The following COL17A1 variants were observed in gnomAD, a reference collection of about 807,000 sequenced individuals.
COL17A1 encodes collagen alpha-1(XVII) chain.
Under a neutral mutation model 218.4 loss-of-function variants are expected in COL17A1, and 181 were observed. That is an observed-to-expected ratio of 0.83 (90% CI 0.73 to 0.94). The LOEUF is 0.94. Ranked by LOEUF, COL17A1 falls within the 40% of genes least tolerant of loss-of-function variation. The pLI, the probability that COL17A1 is intolerant of heterozygous loss-of-function variation, is 0.00. For synonymous variants in COL17A1, 721 were observed against 731.0 expected, an observed-to-expected ratio of 0.99 and a Z score of 0.22; for missense variants, 1,924 against 1,945.9, an observed-to-expected ratio of 0.99 and a Z score of 0.21.
intron 13 of COL17A1, 82 bp downstream of exon 13, chr10:104,061,323 G>T: frequency 7.3e-7 from 1 of 1,361,870 alleles, no homozygotes; most frequent in Non-Finnish European, 1.0e-6. Flanking sequence ...ATGTGTATTG[G>T]AAGGATACAC....
rs372698668 is a variant in COL17A1, at chr10:104,046,743, T to C, written c.2362+4A>G. On this transcript the variant is annotated splice_donor_region_variant and intron_variant, in intron 32 of 55. Coordinates refer to ENST00000648076, the MANE Select transcript of COL17A1 (RefSeq NM_000494.4). Reference sequence around the variant, plus strand: ...CAGCAGGTGGGAATGATCCAGCGACTCACCCTGAGGTCCCTGGGGTCCTGT... The same window carrying C: ...CAGCAGGTGGGAATGATCCAGCGACCCACCCTGAGGTCCCTGGGGTCCTGT... 49 of 1,613,914 alleles carry C rather than the reference T, an allele frequency of 3.0e-5. No homozygotes were observed. The African/African-American group carries it at 5.5e-4, about 18-fold the overall frequency.
At chr10:104,062,857 G>A (rs566445953) in intron 11 of COL17A1, among the ~76,000 whole-genome samples, 6 of 152,126 alleles carry the variant, frequency 3.9e-5, no homozygotes, top group Non-Finnish European at 8.8e-5. Context: ...TTGCTTGTTT[G>A]TTTGTTTTCA....
At chr10:104,051,386 T>C in intron 25 of COL17A1, 95 bp downstream of exon 25, 1 of 1,486,776 alleles carries the variant, frequency 6.7e-7, no homozygotes, top group South Asian at 1.2e-5. Context: ...TGCTTTATAA[T>C]TGCTTCTTTG....
In COL17A1 at chr10:104,033,370, C is replaced by A; in HGVS notation, c.4162G>T (p.Gly1388Cys). The change falls in exon 53 of 56, where the codon GGC (glycine) becomes TGC (cysteine). Residue 1388 changes from glycine (G) to cysteine (C), a missense_variant. By Grantham distance (159) the Gly-to-Cys change is radical. Coordinates refer to ENST00000648076, the MANE Select transcript of COL17A1 (RefSeq NM_000494.4). ...VRVSESMQRQ[G>C]LLQGMAYTVQ... Reference sequence around the variant, plus strand: ...GTGTAGGCCATCCCTTGCAGTAGGCCCTGACCTGTAAAACACCAGAGCTTG... The same window carrying A: ...GTGTAGGCCATCCCTTGCAGTAGGCACTGACCTGTAAAACACCAGAGCTTG... 6.2e-7 allele frequency: 1 copy of A among 1,610,564 alleles called. No homozygotes were observed. The highest frequency in any genetic ancestry group is 8.5e-7 in the Non-Finnish European group (1 of 1,178,724).
chr10:104,059,539 C>A, intron 15 of COL17A1, 99 bp downstream of exon 15: 1 of 1,083,046 alleles, frequency 9.2e-7, no homozygotes, highest in South Asian at 1.3e-5. Flanking sequence ...ATGCTGCTGG[C>A]CCGTGGACCA....
rs892543817 is a variant in COL17A1 at position 104,039,468 on chromosome 10, G to A, written c.2873C>T (p.Pro958Leu). The change falls in exon 43 of 56, where the codon CCC (proline) becomes CTC (leucine). Residue 958 changes from proline to leucine, a missense_variant. Transcript: ENST00000648076. ...ACCTTTGTCACCTTTGGGTCCCTGG[G>A]GGCCAGGTGGGCCTGGTGGTCCCTG... The part of the protein sequence containing the change: ...NLQGPPGPPG[P>L]QGPKGDKGDP... The A allele has an allele frequency of 6.2e-6, 10 of 1,613,996 alleles. No homozygotes were observed. The highest frequency in any genetic ancestry group is 8.5e-6 in the Non-Finnish European group (10 of 1,179,998).
intron 35 of COL17A1, 140 bp downstream of exon 35, chr10:104,043,361 G>T: frequency 2.5e-6 from 2 of 784,444 alleles, no homozygotes; most frequent in Non-Finnish European, 4.4e-6. Context: ...GCAAGAGTTT[G>T]CTTTTCTCAG....
intron 44 of COL17A1, 39 bp downstream of exon 44, chr10:104,039,029 CAGA>C (rs747098368): frequency 2.5e-5 from 39 of 1,588,276 alleles, no homozygotes; most frequent in Non-Finnish European, 3.4e-5. Flanking sequence ...CAGCCTTCAC[CAGA>C]AGAAGTGGAG....
At chr10:104,073,573 A>G (rs1199545616) in intron 6 of COL17A1, among the ~76,000 whole-genome samples, 1 of 152,246 alleles carries the variant, frequency 6.6e-6, no homozygotes, top group African/African-American at 2.4e-5. Flanking sequence ...CAAATGTATC[A>G]AAAAGCTCCC....
intron 20 of COL17A1, among the ~76,000 whole-genome samples, 158 bp downstream of exon 20, chr10:104,054,823 G>T (rs902426904): frequency 6.6e-6 from 1 of 152,128 alleles, no homozygotes; most frequent in East Asian, 1.9e-4. Flanking sequence ...TCCAGCCAAA[G>T]GTCCCTGGGA....
chr10:104,084,985 C>T (rs556450557), intron 1 of COL17A1, among the ~76,000 whole-genome samples: 3 of 152,318 alleles, frequency 2.0e-5, no homozygotes, highest in South Asian at 2.1e-4. Context: ...TACCAGTTAA[C>T]GTCATCCACT....
Position 104,039,642 on chromosome 10 carries a change from T to C in COL17A1, c.2789-2A>G. ...AGAAACCTGGGAGGCCTTGCTCGCC[T>C]GAGGAACACACCAAGGGAGGGACAG... On this transcript the variant is annotated splice_acceptor_variant, in intron 41 of 55. Transcript: ENST00000648076. LOFTEE classifies it high-confidence loss of function. 1 of 1,614,150 alleles carries C rather than the reference T, an allele frequency of 6.2e-7. No individual in the cohort carries two copies. The highest frequency in any genetic ancestry group is 1.1e-5 in the South Asian group (1 of 91,086).
intron 34 of COL17A1, 24 bp from the exon 35 acceptor site, chr10:104,043,605 C>T: frequency 6.2e-7 from 1 of 1,613,170 alleles, no homozygotes; most frequent in Non-Finnish European, 8.5e-7. Flanking sequence ...GCACATGGAA[C>T]ATTGAGCCCT....
At position 104,062,903 on chromosome 10, in the gene COL17A1, C is replaced by T. The variant is rs2086595457; in HGVS notation, c.839-574G>A. ...GAAGCTTATTCCTCCTGGCCAGCAG[C>T]TTTGTTATTTAGGGCACAATATCAA... On this transcript the variant is annotated intron_variant, in intron 11 of 55. Coordinates refer to ENST00000648076, the MANE Select transcript of COL17A1 (RefSeq NM_000494.4). Among the ~76,000 whole-genome samples the T allele has an allele frequency of 4.6e-5, 7 of 152,334 alleles. No individual in the cohort carries two copies. In the South Asian group the frequency reaches 1.2e-3, roughly 27 times the overall value.
In COL17A1 at chr10:104,034,278, G is replaced by A. The variant is rs779836450; in HGVS notation, c.3823C>T (p.Pro1275Ser). ...GACAGGAGGCGGCTGTCCCCAGGGG[G>A]TCCCTGCGGCCCAGGAGGGCCTGGG... is the stretch of plus-strand genomic sequence containing the variant. ...GPPGPPGPQG[P>S]PGDSRLLSTD... Residue 1275 changes from proline to serine, a missense_variant, in exon 52 of 56, where the codon CCC becomes TCC. Physicochemically the swap from Pro to Ser is moderately conservative, Grantham distance 74. Coordinates refer to ENST00000648076, the MANE Select transcript of COL17A1 (RefSeq NM_000494.4). The A allele has an allele frequency of 1.9e-6, 3 of 1,593,652 alleles. No homozygotes were observed. In the Admixed American group the frequency reaches 5.2e-5, roughly 28 times the overall value.
chr10:104,051,504 G>C lies in COL17A1; in HGVS notation c.2015C>G (p.Ser672Cys). The C allele has an allele frequency of 6.2e-7, 1 of 1,614,096 alleles. No homozygotes were observed. The highest frequency in any genetic ancestry group is 1.7e-5 in the Admixed American group (1 of 60,036). ...ACCTGGAGGGCCCTGTGGGCCAGGA[G>C]AGCCGCTGGAACCTGAGAAGGAGGA... is the stretch of plus-strand genomic sequence containing the variant. ...GSVGPKGSSG[S>C]PGPQGPPGPV... Residue 672 changes from serine to cysteine, a missense_variant, in exon 25 of 56, where the codon TCT becomes TGT. Physicochemically the swap from Ser to Cys is moderately radical, Grantham distance 112 (BLOSUM62 -1). Coordinates refer to ENST00000648076, the MANE Select transcript of COL17A1 (RefSeq NM_000494.4).
chr10:104,039,990 C>T lies in COL17A1; in HGVS notation c.2771G>A (p.Gly924Asp), dbSNP rs752420310. ...PGPKGDQGPP[G>D]PRGHQGEQGL... ...TACTGTACCTTGGTGTCCTCTGGGG[C>T]CTGGGGGACCTGAGGGAAAAAGGCA... is the stretch of plus-strand genomic sequence containing the variant. The change falls in exon 41 of 56, where the codon GGC (glycine) becomes GAC (aspartate). Residue 924 changes from glycine (G) to aspartate (D), a missense_variant. Transcript: ENST00000648076. 1.4e-5 allele frequency: 23 copies of T among 1,613,978 alleles called. No individual in the cohort carries two copies. The East Asian group carries it at 4.9e-4, about 34-fold the overall frequency.
rs748869591 is a variant in COL17A1 at position 104,039,475 on chromosome 10, G to A, written c.2866C>T (p.Pro956Ser). The A allele has an allele frequency of 6.2e-7, 1 of 1,614,132 alleles. No homozygotes were observed. The highest frequency in any genetic ancestry group is 1.1e-5 in the South Asian group (1 of 91,090). Reference sequence around the variant, plus strand: ...TCACCTTTGGGTCCCTGGGGGCCAGGTGGGCCTGGTGGTCCCTGAAGGTTG... The same window carrying A: ...TCACCTTTGGGTCCCTGGGGGCCAGATGGGCCTGGTGGTCCCTGAAGGTTG... ...GLNLQGPPGP[P>S]GPQGPKGDKG... Residue 956 changes from proline (P) to serine (S), a missense_variant, in exon 43 of 56, where the codon CCT becomes TCT. Transcript: ENST00000648076.
chr10:104,061,896 C>T (rs534587085), intron 12 of COL17A1, among the ~76,000 whole-genome samples: 7 of 152,290 alleles, frequency 4.6e-5, no homozygotes, highest in African/African-American at 1.4e-4. Context: ...GTTGGCACAG[C>T]GGTGGCAACC....
Sources: gnomAD v4.1 joint callset for allele counts (sites outside exome capture counted in the v4.1 genomes callset) on GRCh38, gnomAD v4.1.1 for gene constraint, MANE v1.5 for transcripts, NCBI Gene and HGNC (gene_info 2026-07-23, HGNC 2026-07-21) for gene names.